PPFIA1: variants seen among roughly 807,000 people sequenced by gnomAD.
PPFIA1 encodes the protein PPFI scaffold protein A1.
A neutral mutation model predicts 149.9 loss-of-function variants in PPFIA1; 25 were observed. The ratio of observed to expected loss-of-function variants is 0.17; its 90% CI spans 0.12 to 0.23. PPFIA1 has a LOEUF of 0.23. Among genes scored for constraint, PPFIA1 ranks in the 10% least tolerant of loss-of-function variants. PPFIA1 has a pLI of 1.00. For missense variants in PPFIA1, 1,362 were observed against 1,506.5 expected, an observed-to-expected ratio of 0.90 and a Z score of 1.59; for synonymous variants, 549 against 552.8, an observed-to-expected ratio of 0.99 and a Z score of 0.10.
rs1164539997 is a variant in PPFIA1, at chr11:70,371,999, G to A, written c.2866-216G>A. Reference sequence around the variant, plus strand: ...ATTTAAAAGTTAAATTTATCACAACGAATCATATATTTTTCATGTTACTAT... The same window carrying A: ...ATTTAAAAGTTAAATTTATCACAACAAATCATATATTTTTCATGTTACTAT... On this transcript the variant is annotated intron_variant, in intron 21 of 27. Transcript: ENST00000253925. The A allele has an allele frequency of 1.9e-5, 7 of 375,994 alleles. No homozygotes were observed. The South Asian group carries it at 2.6e-4, about 14-fold the overall frequency. The allele number at this position is 375,994 out of a possible 1,614,324, so 23.3% of individuals were successfully genotyped here.
intron 2 of PPFIA1, among the ~76,000 whole-genome samples, chr11:70,296,284 G>T (rs1317883042): frequency 6.6e-6 from 1 of 152,014 alleles, no homozygotes; most frequent in Non-Finnish European, 1.5e-5. Context: ...CGGGGTGGCG[G>T]CCGGGCAGAG....
chr11:70,380,903 G>A (rs1369816707), intron 26 of PPFIA1, among the ~76,000 whole-genome samples: 6 of 151,880 alleles, frequency 4.0e-5, no homozygotes, highest in Non-Finnish European at 7.4e-5. Flanking sequence ...GCTCAGTCTC[G>A]GCTTACTGCA....
At chr11:70,340,989 A>C (rs2055296617) in intron 14 of PPFIA1, 1 of 345,638 alleles carries the variant, frequency 2.9e-6, no homozygotes. Context: ...GGCGAGGAGA[A>C]AGTCCCACAG....
chr11:70,368,392 A>G (rs2057062183), intron 21 of PPFIA1, among the ~76,000 whole-genome samples: 1 of 152,238 alleles, frequency 6.6e-6, no homozygotes, highest in African/African-American at 2.4e-5. Flanking sequence ...AACAAATGAT[A>G]CTGGAAGCCA....
intron 2 of PPFIA1, among the ~76,000 whole-genome samples, chr11:70,300,109 C>T (rs1166196886): frequency 6.6e-6 from 1 of 151,904 alleles, no homozygotes; most frequent in Non-Finnish European, 1.5e-5. Context: ...CTGCCCCTTC[C>T]ACCCGCCCCA....
chr11:70,330,433 C>A (rs1036503409), intron 8 of PPFIA1, 114 bp downstream of exon 8: 11 of 907,242 alleles, frequency 1.2e-5, no homozygotes, highest in African/African-American at 1.0e-4. Flanking sequence ...GTTTTTATGA[C>A]CTTAGAATAT....
In PPFIA1 at chr11:70,330,199, A is replaced by G. The variant is rs753187253; in HGVS notation, c.957A>G (p.Glu319=). 1 of 1,601,402 alleles carries G rather than the reference A, an allele frequency of 6.2e-7. No homozygotes were observed. The highest frequency in any genetic ancestry group is 1.3e-5 in the African/African-American group (1 of 74,358). ...REAMAQKEDM[E]ERITTLEKRY... ...CCATGGCCCAAAAGGAAGATATGGA[A>G]GAGAGAATCACTACTCTTGAAAAAC... The change falls in exon 8 of 28, where the codon GAA becomes GAG. Residue 319 remains glutamate, a synonymous_variant. Coordinates refer to ENST00000253925, the MANE Select transcript of PPFIA1 (RefSeq NM_003626.5).
intron 8 of PPFIA1, among the ~76,000 whole-genome samples, chr11:70,330,584 G>A (rs1259048000): frequency 6.6e-6 from 1 of 152,202 alleles, no homozygotes; most frequent in Non-Finnish European, 1.5e-5. Context: ...TACCAAAGGA[G>A]CAGAGAGTGG....
intron 2 of PPFIA1, among the ~76,000 whole-genome samples, chr11:70,290,091 T>C (rs912418953): frequency 6.6e-6 from 1 of 152,014 alleles, no homozygotes; most frequent in African/African-American, 2.4e-5. Context: ...TTAGCCAGGC[T>C]TGGTGGTGCA....
Position 70,376,583 on chromosome 11 carries a change from G to C in PPFIA1, c.3367G>C (p.Asp1123His). 1 of 1,613,676 alleles carries C rather than the reference G, an allele frequency of 6.2e-7. No homozygotes were observed. Among genetic ancestry groups the C allele is most frequent in the Non-Finnish European group, 8.5e-7 (1 of 1,179,496 alleles). ...EFNNLLVMGT[D>H]RRFDEDDDKS... ...TAACAACCTTTTGGTCATGGGGACTGATAGAAGGTTTGATGAAGTAAGTTT... is the reference window on the plus strand; with the variant it reads ...TAACAACCTTTTGGTCATGGGGACTCATAGAAGGTTTGATGAAGTAAGTTT... Residue 1123 changes from aspartate to histidine, a missense_variant, in exon 25 of 28, where the codon GAT becomes CAT. Physicochemically the swap from Asp to His is moderately conservative, Grantham distance 81 (BLOSUM62 -1). Around this residue, in one of 7 missense-constraint regions of PPFIA1, gnomAD observed 349 missense variants for 373.3 expected, o/e 0.93. Coordinates refer to ENST00000253925, the MANE Select transcript of PPFIA1 (RefSeq NM_003626.5).
At chr11:70,376,701 A>G (rs1397275942) in intron 25 of PPFIA1, 101 bp downstream of exon 25, 1 of 1,006,158 alleles carries the variant, frequency 9.9e-7, no homozygotes, top group Admixed American at 1.8e-5. Context: ...TTGGGACATC[A>G]TGTAGCTAGG....
intron 7 of PPFIA1, 158 bp from the exon 8 acceptor site, chr11:70,330,015 G>GTGAT: frequency 1.7e-6 from 1 of 597,770 alleles, no homozygotes; most frequent in Non-Finnish European, 2.8e-6. Flanking sequence ...CCAAAGTGCT[G>GTGAT]TGATTATAGG....
intron 2 of PPFIA1, among the ~76,000 whole-genome samples, chr11:70,304,481 A>AT (rs1259438300): frequency 6.6e-6 from 1 of 152,192 alleles, no homozygotes; most frequent in Non-Finnish European, 1.5e-5. Context: ...GATATCCTTT[A>AT]TAATACATGG....
intron 2 of PPFIA1, among the ~76,000 whole-genome samples, chr11:70,317,283 C>T (rs1004795244): frequency 3.3e-5 from 5 of 151,972 alleles, no homozygotes; most frequent in African/African-American, 1.2e-4. Flanking sequence ...ATAATGCAAG[C>T]AGTACATACA....
At chr11:70,331,318 C>A (rs942778223) in intron 8 of PPFIA1, among the ~76,000 whole-genome samples, 2 of 151,532 alleles carry the variant, frequency 1.3e-5, no homozygotes, top group Non-Finnish European at 2.9e-5. Flanking sequence ...CTTGTAATTA[C>A]GAGTATCACT....
chr11:70,370,739 C>A (rs548843691), intron 21 of PPFIA1, among the ~76,000 whole-genome samples: 19 of 152,260 alleles, frequency 1.2e-4, no homozygotes, highest in African/African-American at 4.6e-4. Context: ...CGAGGTCTTT[C>A]TCATTGATAA....
chr11:70,352,142 C>T (rs945115867), intron 16 of PPFIA1, among the ~76,000 whole-genome samples: 1 of 152,224 alleles, frequency 6.6e-6, no homozygotes, highest in African/African-American at 2.4e-5. Flanking sequence ...TGGTCAGCAG[C>T]TGTCTGTGAG....
intron 19 of PPFIA1, among the ~76,000 whole-genome samples, chr11:70,360,054 G>A (rs1165066558): frequency 6.6e-6 from 1 of 152,240 alleles, no homozygotes; most frequent in Non-Finnish European, 1.5e-5. Flanking sequence ...GGTCTGATAG[G>A]GGAGGGGAGC....
At chr11:70,331,101 G>T (rs866347822) in intron 8 of PPFIA1, among the ~76,000 whole-genome samples, 9 of 152,018 alleles carry the variant, frequency 5.9e-5, no homozygotes, top group Non-Finnish European at 1.3e-4. Context: ...GCTTGGTGGC[G>T]CGCATCTGTA....
Sources: allele counts gnomAD v4.1 joint callset (sites outside exome capture counted in the v4.1 genomes callset), GRCh38; gene constraint gnomAD v4.1.1; regional missense constraint gnomAD v4.1.1; transcripts MANE v1.5; gene names NCBI Gene and HGNC (gene_info 2026-07-23, HGNC 2026-07-21).